The following DOCK2 variants were observed in gnomAD, a reference collection of about 807,000 sequenced individuals.
The protein encoded by DOCK2 is dedicator of cytokinesis protein 2.
In DOCK2, 87 loss-of-function variants were observed where a neutral mutation model predicts 248.9. That is an observed-to-expected ratio of 0.35 (90% CI 0.29 to 0.42). The LOEUF (loss-of-function observed/expected upper bound fraction) is 0.42, where lower values mean the gene tolerates loss of function less well. DOCK2 is among the 10% of genes least tolerant of loss of function. The probability of loss-of-function intolerance (pLI) is 1.00; values close to 1 mark genes in which losing one functional copy is unlikely to be tolerated. For missense variants in DOCK2, 1,747 were observed against 2,300.2 expected, an observed-to-expected ratio of 0.76 and a Z score of 4.92; for synonymous variants, 805 against 821.6, an observed-to-expected ratio of 0.98 and a Z score of 0.35.
At position 169,669,301 on chromosome 5, in the gene DOCK2, A is replaced by T. The variant is rs1758909410; in HGVS notation, c.141A>T (p.Gly47=). The stretch of plus-strand genomic sequence containing the variant: ...TTCTTTTTGCAGACTGGTATAGGGG[A>T]TACCTCATAAAGCACAAAATGTTAC... ...IQETCGDWYR[G]YLIKHKMLQG... Residue 47 remains glycine, a synonymous_variant, in exon 3 of 52, where the codon GGA becomes GGT. Coordinates refer to ENST00000520908, the MANE Select transcript of DOCK2 (RefSeq NM_004946.3). The T allele has an allele frequency of 3.1e-6, 5 of 1,614,130 alleles. No individual in the cohort carries two copies. Among genetic ancestry groups the T allele is most frequent in the South Asian group, 1.1e-5 (1 of 91,076 alleles).
At chr5:169,723,542 G>A (rs1045288619) in intron 22 of DOCK2, among the ~76,000 whole-genome samples, 3 of 151,932 alleles carry the variant, frequency 2.0e-5, no homozygotes, top group Non-Finnish European at 2.9e-5. Flanking sequence ...AAAATTCTAC[G>A]GAGGACCCCA....
rs149396655 is a variant in DOCK2, at chr5:170,077,611, A to G, written c.4867-99A>G. ...TTGTGCTGATGCTCCACTCAGCCCC[A>G]CAACTCTGCCCTGCCTAGGTGGAGG... On this transcript the variant is annotated intron_variant, in intron 47 of 51. Transcript: ENST00000520908. 3,648 of 1,543,448 alleles carry G rather than the reference A, an allele frequency of 2.4e-3. 50 individuals are homozygous for G. The highest frequency in any genetic ancestry group is 0.021 in the South Asian group (1,662 of 80,576).
intron 27 of DOCK2, among the ~76,000 whole-genome samples, chr5:169,971,202 A>C (rs6860314): frequency 0.026 from 3,996 of 151,842 alleles, 174 homozygotes; most frequent in African/African-American, 0.091. Context: ...AAAAAAAATG[A>C]GTATGACATC....
chr5:169,759,791 G>A lies in DOCK2; in HGVS notation c.2447+16G>A, dbSNP rs754103357. Reference sequence around the variant, plus strand: ...AGTTACTCAGGTGAGAGCTCATGTTGTACTTTCTTGGGCTCTGCTGGCAAG... The same window carrying A: ...AGTTACTCAGGTGAGAGCTCATGTTATACTTTCTTGGGCTCTGCTGGCAAG... On this transcript the variant is annotated intron_variant, in intron 24 of 51. Coordinates refer to ENST00000520908, the MANE Select transcript of DOCK2 (RefSeq NM_004946.3). The A allele has an allele frequency of 1.2e-6, 2 of 1,613,726 alleles. No individual in the cohort carries two copies. Among genetic ancestry groups the A allele is most frequent in the Non-Finnish European group, 1.7e-6 (2 of 1,179,716 alleles).
At chr5:169,665,609 A>G (rs1758680791) in intron 2 of DOCK2, among the ~76,000 whole-genome samples, 1 of 152,162 alleles carries the variant, frequency 6.6e-6, no homozygotes, top group African/African-American at 2.4e-5. Context: ...TTATCCTGAA[A>G]TCAGTATGTT....
In DOCK2 at chr5:170,047,086, A is replaced by G. The variant is rs181681811; in HGVS notation, c.3967-424A>G. 2.1e-3 allele frequency among the ~76,000 whole-genome samples: 321 copies of G among 152,334 alleles called. 11 individuals carry two copies. In the South Asian group the frequency reaches 0.039, roughly 19 times the overall value. Reference sequence around the variant, plus strand: ...CTTAGGTATACATGCACAGGAAAACATCTGTATCAGGGGGCATTTATTCAT... The same window carrying G: ...CTTAGGTATACATGCACAGGAAAACGTCTGTATCAGGGGGCATTTATTCAT... On this transcript the variant is annotated intron_variant, in intron 39 of 51. Transcript: ENST00000520908.
intron 25 of DOCK2, among the ~76,000 whole-genome samples, chr5:169,777,269 C>T (rs1307720474): frequency 2.6e-5 from 4 of 152,172 alleles, no homozygotes; most frequent in African/African-American, 9.7e-5. Flanking sequence ...GTAACATGAT[C>T]CAATTCGGGA....
chr5:169,854,066 G>A (rs1347095665), intron 27 of DOCK2, among the ~76,000 whole-genome samples: 5 of 151,240 alleles, frequency 3.3e-5, no homozygotes, highest in African/African-American at 7.3e-5. Context: ...CTCGTGATCC[G>A]CCCACCTCGG....
At chr5:169,714,926 C>T (rs1761819020) in intron 19 of DOCK2, among the ~76,000 whole-genome samples, 1 of 151,816 alleles carries the variant, frequency 6.6e-6, no homozygotes, top group African/African-American at 2.4e-5. Context: ...TATGTATATG[C>T]ATATATATGT....
At chr5:169,834,628 G>A (rs1403075504) in intron 26 of DOCK2, among the ~76,000 whole-genome samples, 1 of 133,748 alleles carries the variant, frequency 7.5e-6, no homozygotes, top group Non-Finnish European at 1.6e-5. Flanking sequence ...GTCCCAACCA[G>A]ATCACCCTGT....
At chr5:169,996,301 T>C in intron 30 of DOCK2, 137 bp downstream of exon 30, 1 of 829,808 alleles carries the variant, frequency 1.2e-6, no homozygotes, top group Non-Finnish European at 1.8e-6. Context: ...CGGGGGGTTA[T>C]GGCTGGGGAG....
chr5:169,786,117 A>C (rs968956343), intron 25 of DOCK2, among the ~76,000 whole-genome samples: 50 of 152,364 alleles, frequency 3.3e-4, no homozygotes, highest in African/African-American at 1.2e-3. Context: ...TTTTAGTATC[A>C]AAGATTAACA....
At chr5:169,702,602 G>A in intron 14 of DOCK2, 175 bp downstream of exon 14, 1 of 816,130 alleles carries the variant, frequency 1.2e-6, no homozygotes, top group South Asian at 2.3e-5. Flanking sequence ...TCCATAATAA[G>A]ACCTTGTGAT....
intron 27 of DOCK2, among the ~76,000 whole-genome samples, chr5:169,913,820 A>G (rs1045147401): frequency 3.9e-5 from 6 of 152,228 alleles, no homozygotes; most frequent in Admixed American, 6.5e-5. Flanking sequence ...TAGAATAACA[A>G]CTACAATGTT....
intron 25 of DOCK2, among the ~76,000 whole-genome samples, chr5:169,773,584 C>G (rs1486082655): frequency 6.6e-6 from 1 of 152,110 alleles, no homozygotes; most frequent in African/African-American, 2.4e-5. Flanking sequence ...TTAATGGAAG[C>G]ATACATAATG....
rs776533913 is a variant in DOCK2 at position 169,747,466 on chromosome 5, C to T, written c.2338C>T (p.Leu780=). Residue 780 remains leucine, a synonymous_variant, in exon 23 of 52, where the codon CTG becomes TTG. Transcript: ENST00000520908. ...ACGGCTCTTTGAATCCATCAACAAT[C>T]TGATGAAAAGTCAATACAAAACTAC... ...MRRLFESINN[L]MKSQYKTTIL... 9 of 1,613,780 alleles carry T rather than the reference C, an allele frequency of 5.6e-6. No homozygotes were observed. In the South Asian group the frequency reaches 9.9e-5, roughly 18 times the overall value.
In DOCK2 at chr5:169,969,488, T is replaced by A. The variant is rs369218693; in HGVS notation, c.2800-13580T>A. Among the ~76,000 whole-genome samples, 259 of 152,302 alleles carry A rather than the reference T, an allele frequency of 1.7e-3. 11 individuals carry two copies. The South Asian group carries it at 0.051, about 30-fold the overall frequency. ...AAAAAAATGAATTGGACTTCATTTG[T>A]GTCAGAGAGAGCATCCATGGCTTTT... On this transcript the variant is annotated intron_variant, in intron 27 of 51. Coordinates refer to ENST00000520908, the MANE Select transcript of DOCK2 (RefSeq NM_004946.3).
chr5:169,876,555 ACAAGGGTTT>A (rs1772346275), intron 27 of DOCK2, among the ~76,000 whole-genome samples: 1 of 152,226 alleles, frequency 6.6e-6, no homozygotes, highest in Non-Finnish European at 1.5e-5. Flanking sequence ...GCCTGGAAGA[ACAAGGGTTT>A]CAATGTCCTA....
chr5:169,816,268 C>G (rs1768064734), intron 26 of DOCK2, among the ~76,000 whole-genome samples: 1 of 152,156 alleles, frequency 6.6e-6, no homozygotes, highest in African/African-American at 2.4e-5. Flanking sequence ...CATGTACAAT[C>G]TGAGGGGCAG....
Sources: gnomAD v4.1 joint callset for allele counts (sites outside exome capture counted in the v4.1 genomes callset) on GRCh38, gnomAD v4.1.1 for gene constraint, MANE v1.5 for transcripts, NCBI Gene and HGNC (gene_info 2026-07-23, HGNC 2026-07-21) for gene names.